FAM120AOS: variants seen among roughly 807,000 people sequenced by gnomAD.
FAM120AOS encodes uncharacterized protein FAM120AOS.
Under a neutral mutation model 20.2 loss-of-function variants are expected in FAM120AOS, and 15 were observed. The ratio of observed to expected loss-of-function variants is 0.74; its 90% CI spans 0.50 to 1.15. The LOEUF (loss-of-function observed/expected upper bound fraction) is 1.15, where lower values mean the gene tolerates loss of function less well. FAM120AOS is among the 50% of genes most tolerant of loss of function. FAM120AOS has a pLI of 0.00. For missense variants in FAM120AOS, 327 were observed against 351.9 expected, an observed-to-expected ratio of 0.93 and a Z score of 0.57; for synonymous variants, 154 against 154.0, an observed-to-expected ratio of 1.00 and a Z score of 0.00.
At chr9:93,451,230 A>G in intron 1 of FAM120AOS, 1 of 1,524,686 alleles carries the variant, frequency 6.6e-7, no homozygotes, top group Non-Finnish European at 8.8e-7. Context: ...GGCGTTAGAA[A>G]GGCGGCGTCC....
In FAM120AOS at chr9:93,452,718, A is replaced by G. The variant is rs1262128382; in HGVS notation, c.-9T>C. 1.9e-6 allele frequency: 3 copies of G among 1,598,368 alleles called. No homozygotes were observed. Among genetic ancestry groups the G allele is most frequent in the Admixed American group, 3.3e-5 (2 of 60,000 alleles). On this transcript the variant is annotated 5_prime_UTR_variant, in exon 1 of 3. Coordinates refer to ENST00000375412, the MANE Select transcript of FAM120AOS (RefSeq NM_198841.4). The surrounding 1 kb of genome is among the most constrained non-coding windows in gnomAD (Gnocchi z 7.0). ...TCCTTAGTTTTTCCCATCCTATTTG[A>G]GGCGGGCAGGCTATCACTCACCTTC...
intron 1 of FAM120AOS, chr9:93,451,552 C>G (rs538147410): frequency 1.0e-5 from 10 of 986,402 alleles, no homozygotes; most frequent in Non-Finnish European, 1.2e-5. Context: ...CTCCGGGAGC[C>G]CCGAGCCGCG....
rs199726306 is a variant in FAM120AOS, at chr9:93,447,632, T to C, written c.750A>G (p.Arg250=). 6.2e-7 allele frequency: 1 copy of C among 1,614,082 alleles called. No individual in the cohort carries two copies. Among genetic ancestry groups the C allele is most frequent in the Non-Finnish European group, 8.5e-7 (1 of 1,179,976 alleles). Residue 250 remains arginine (R), a synonymous_variant, in exon 3 of 3, where the codon AGA becomes AGG. Transcript: ENST00000375412. The part of the protein sequence containing the change: ...SKKTTKPPTL[R]SFLSPI ...TTTTTCAAATTGGACTCAAGAATGA[T>C]CTTAGTGTTGGTGGTTTTGTGGTTT...
In FAM120AOS at chr9:93,447,670, TG is replaced by T. The variant is rs751794734; in HGVS notation, c.711del (p.Asn237LysfsTer13). ...KKISRSCSVN[N>X]KVSKKTTKPP... Reference sequence around the variant, plus strand: ...GGTTTTGTGGTTTTCTTTGAGACTTTGTTATTGACAGAACAGCTTCTGGAAA... The same window carrying T: ...GGTTTTGTGGTTTTCTTTGAGACTTTTTATTGACAGAACAGCTTCTGGAAA... On this transcript the variant is annotated frameshift_variant, in exon 3 of 3. Transcript: ENST00000375412. LOFTEE classifies it low-confidence loss of function (END_TRUNC). 5.0e-6 allele frequency: 8 copies of T among 1,613,756 alleles called. No individual in the cohort carries two copies. The South Asian group carries it at 8.8e-5, about 18-fold the overall frequency.
chr9:93,450,889 G>T, intron 1 of FAM120AOS: 1 of 976,420 alleles, frequency 1.0e-6, no homozygotes, highest in African/African-American at 1.6e-5. Flanking sequence ...AAAGGCGCAC[G>T]TTTCAGTCTA....
intron 1 of FAM120AOS, chr9:93,451,082 G>A: frequency 6.4e-7 from 1 of 1,550,614 alleles, no homozygotes; most frequent in South Asian, 1.2e-5. Flanking sequence ...CTGCTGGGAT[G>A]AGCACCTGCC....
At position 93,450,486 on chromosome 9, in the gene FAM120AOS, AC is replaced by A. The variant is rs780472991; in HGVS notation, c.676del (p.Val226Ter). The A allele has an allele frequency of 1.9e-6, 3 of 1,570,358 alleles. No individual in the cohort carries two copies. The highest frequency in any genetic ancestry group is 2.6e-6 in the Non-Finnish European group (3 of 1,161,144). On this transcript the variant is annotated frameshift_variant, in exon 2 of 3. Transcript: ENST00000375412. LOFTEE classifies it low-confidence loss of function (END_TRUNC). ...GLAKEAPILPVKKISRSCSVN... is the reference protein window; with the variant it reads ...GLAKEAPILPXKKISRSCSVN... ...CAGAAAAATCCAACTTGCCTTTTTCACCGGGAGTATGGGGGCTTCTTTGGCC... is the reference window on the plus strand; with the variant it reads ...CAGAAAAATCCAACTTGCCTTTTTCACGGGAGTATGGGGGCTTCTTTGGCC...
At chr9:93,451,702 G>C in intron 1 of FAM120AOS, 1 of 982,320 alleles carries the variant, frequency 1.0e-6, no homozygotes, top group Non-Finnish European at 1.2e-6. Context: ...TCGCAGCGGC[G>C]GCAGCGGCGG....
At chr9:93,450,798 A>G (rs1337204548) in intron 1 of FAM120AOS, 199 bp from the exon 2 acceptor site, 4 of 981,156 alleles carry the variant, frequency 4.1e-6, no homozygotes, top group African/African-American at 1.6e-5. Context: ...GAATTTACGT[A>G]AACGACCTCC....
At chr9:93,450,133 C>A (rs1857050357) in intron 2 of FAM120AOS, among the ~76,000 whole-genome samples, 1 of 152,044 alleles carries the variant, frequency 6.6e-6, no homozygotes, top group Admixed American at 6.6e-5. Context: ...ATTACAGGCG[C>A]ACACACCACC....
In FAM120AOS at chr9:93,447,616, T is replaced by C. The variant is rs370217191; in HGVS notation, c.766A>G (p.Ile256Val). Reference protein sequence around the residue: ...PPTLRSFLSPI With the variant: ...PPTLRSFLSPV The stretch of plus-strand genomic sequence containing the variant: ...CAGAACTTGACCCTAGTTTTTCAAA[T>C]TGGACTCAAGAATGATCTTAGTGTT... The change falls in exon 3 of 3, where the codon ATT (isoleucine) becomes GTT (valine). Residue 256 changes from isoleucine (I) to valine (V), a missense_variant. Physicochemically the swap from Ile to Val is conservative, Grantham distance 29. Around this residue, in one of 3 missense-constraint regions of FAM120AOS, gnomAD observed 86 missense variants for 82.9 expected, o/e 1.04. Coordinates refer to ENST00000375412, the MANE Select transcript of FAM120AOS (RefSeq NM_198841.4). 3.5e-5 allele frequency: 56 copies of C among 1,613,786 alleles called. No homozygotes were observed. The highest frequency in any genetic ancestry group is 2.5e-4 in the East Asian group (11 of 44,894).
rs1856781752 is a variant in FAM120AOS, at chr9:93,444,323, A to G, written c.*3288T>C. 6.6e-6 allele frequency among the ~76,000 whole-genome samples: 1 copy of G among 152,094 alleles called. No individual in the cohort carries two copies. The highest frequency in any genetic ancestry group is 1.5e-5 in the Non-Finnish European group (1 of 68,026). On this transcript the variant is annotated 3_prime_UTR_variant, in exon 3 of 3. Coordinates refer to ENST00000375412, the MANE Select transcript of FAM120AOS (RefSeq NM_198841.4). ...CCAAAGTGCTGGGATGACAGGCGTG[A>G]GCCACCGTGTCCAGCCTGACTAGGG...
intron 2 of FAM120AOS, among the ~76,000 whole-genome samples, chr9:93,449,789 C>T (rs1857019496): frequency 1.3e-5 from 2 of 151,094 alleles, no homozygotes; most frequent in South Asian, 2.1e-4. Flanking sequence ...CCCGGCCGCA[C>T]TAATGCATTT....
Position 93,444,614 on chromosome 9 carries a change from CTT to C in FAM120AOS, c.*2995_*2996del, listed in dbSNP as rs143027778. On this transcript the variant is annotated 3_prime_UTR_variant, in exon 3 of 3. Coordinates refer to ENST00000375412, the MANE Select transcript of FAM120AOS (RefSeq NM_198841.4). ...GTTTTGAGGCCAGTAAGGAGTTCTG[CTT>C]TTTTTTTTTTTTCCTGAGACGGAGT... Among the ~76,000 whole-genome samples the C allele has an allele frequency of 0.024, 3,510 of 143,504 alleles. 65 individuals carry two copies. The highest frequency in any genetic ancestry group is 0.032 in the Middle Eastern group (9 of 278). 94.1% of individuals were successfully genotyped at this position (143,504 alleles called of 152,430 possible).
chr9:93,445,089 A>G lies in FAM120AOS; in HGVS notation c.*2522T>C, dbSNP rs1475782588. 1.3e-5 allele frequency among the ~76,000 whole-genome samples: 2 copies of G among 152,214 alleles called. No homozygotes were observed. Among genetic ancestry groups the G allele is most frequent in the Admixed American group, 6.5e-5 (1 of 15,280 alleles). ...TCCATTATCTGAAGAGTGGCTTAAGATTTAGAAGGCATAGCTCTACAGTCT... is the reference window on the plus strand; with the variant it reads ...TCCATTATCTGAAGAGTGGCTTAAGGTTTAGAAGGCATAGCTCTACAGTCT... On this transcript the variant is annotated 3_prime_UTR_variant, in exon 3 of 3. Transcript: ENST00000375412.
In FAM120AOS at chr9:93,443,606, G is replaced by A. The variant is rs965492174; in HGVS notation, c.*4005C>T. Among the ~76,000 whole-genome samples the A allele has an allele frequency of 5.3e-5, 8 of 152,134 alleles. No individual in the cohort carries two copies. The highest frequency in any genetic ancestry group is 9.7e-5 in the African/African-American group (4 of 41,422). Reference sequence around the variant, plus strand: ...TCTGTTTTGTCAGGCAATCAGCCTCGTTAGCCTTAGTCTGCAGGTCCTGCG... The same window carrying A: ...TCTGTTTTGTCAGGCAATCAGCCTCATTAGCCTTAGTCTGCAGGTCCTGCG... On this transcript the variant is annotated 3_prime_UTR_variant, in exon 3 of 3. Coordinates refer to ENST00000375412, the MANE Select transcript of FAM120AOS (RefSeq NM_198841.4).
rs973473010 is a variant in FAM120AOS, at chr9:93,453,562, A to G, written c.-853T>C. The G allele has an allele frequency of 5.5e-5, 54 of 985,118 alleles. No individual in the cohort carries two copies. Among genetic ancestry groups the G allele is most frequent in the Non-Finnish European group, 6.3e-5 (52 of 829,914 alleles). 61.0% of individuals were successfully genotyped at this position (985,118 alleles called of 1,614,324 possible). A position where few individuals can be genotyped will look rare whatever the true frequency, so the allele number is the denominator to read the frequency against. Reference sequence around the variant, plus strand: ...GCGGTTGCCCCCACTGCCCGCGAGGAGATGGTGGTAGTTAAGCCTAAAATG... The same window carrying G: ...GCGGTTGCCCCCACTGCCCGCGAGGGGATGGTGGTAGTTAAGCCTAAAATG... On this transcript the variant is annotated 5_prime_UTR_variant, in exon 1 of 3. Coordinates refer to ENST00000375412, the MANE Select transcript of FAM120AOS (RefSeq NM_198841.4).
rs1260599420 is a variant in FAM120AOS at position 93,444,661 on chromosome 9, C to T, written c.*2950G>A. Among the ~76,000 whole-genome samples the T allele has an allele frequency of 6.6e-6, 1 of 151,184 alleles. No homozygotes were observed. Among genetic ancestry groups the T allele is most frequent in the African/African-American group, 2.4e-5 (1 of 41,090 alleles). ...CGGAGTTTCGCTCTTGTTGCCCAGG[C>T]TGGAGTGCAATGGTGCGATCTCGGC... is the stretch of plus-strand genomic sequence containing the variant. On this transcript the variant is annotated 3_prime_UTR_variant, in exon 3 of 3. Transcript: ENST00000375412.
Position 93,445,369 on chromosome 9 carries a change from A to G in FAM120AOS, c.*2242T>C, listed in dbSNP as rs901655955. Among the ~76,000 whole-genome samples, 2 of 152,168 alleles carry G rather than the reference A, an allele frequency of 1.3e-5. No individual in the cohort carries two copies. Among genetic ancestry groups the G allele is most frequent in the Non-Finnish European group, 2.9e-5 (2 of 68,024 alleles). ...TCCCCATATTAAAGTCAAAGGAACTATACTGTTTTCACTGCCAGGCTGGGG... is the reference window on the plus strand; with the variant it reads ...TCCCCATATTAAAGTCAAAGGAACTGTACTGTTTTCACTGCCAGGCTGGGG... On this transcript the variant is annotated 3_prime_UTR_variant, in exon 3 of 3. Transcript: ENST00000375412.
Sources: allele counts gnomAD v4.1 joint callset (sites outside exome capture counted in the v4.1 genomes callset), GRCh38; gene constraint gnomAD v4.1.1; regional missense constraint gnomAD v4.1.1; non-coding constraint Gnocchi (gnomAD v3.1); transcripts MANE v1.5; gene names NCBI Gene and HGNC (gene_info 2026-07-23, HGNC 2026-07-21).